DSCAM: variants seen among roughly 807,000 people sequenced by gnomAD.
DSCAM encodes DS cell adhesion molecule, also known as cell adhesion molecule DSCAM.
In DSCAM, 47 loss-of-function variants were observed where a neutral mutation model predicts 217.7. The observed-to-expected ratio is 0.22, with a 90% CI of 0.17 to 0.28. The LOEUF (loss-of-function observed/expected upper bound fraction) is 0.28. DSCAM is among the 10% of genes least tolerant of loss of function. The pLI, the probability that DSCAM is intolerant of heterozygous loss-of-function variation, is 1.00. For synonymous variants in DSCAM, 1,056 were observed against 1,015.3 expected, an observed-to-expected ratio of 1.04 and a Z score of -0.76; for missense variants, 2,080 against 2,618.3, an observed-to-expected ratio of 0.79 and a Z score of 4.49.
chr21:40,759,658 C>T (rs1447224993), intron 1 of DSCAM, among the ~76,000 whole-genome samples: 2 of 152,058 alleles, frequency 1.3e-5, no homozygotes, highest in South Asian at 2.1e-4. Context: ...GGGCTGGCCT[C>T]GGAGCACTTG....
At chr21:40,741,541 C>CT (rs2091124113) in intron 1 of DSCAM, among the ~76,000 whole-genome samples, 2 of 149,916 alleles carry the variant, frequency 1.3e-5, no homozygotes, top group Non-Finnish European at 3.0e-5. Flanking sequence ...ATATCTCAGC[C>CT]CCCAAACTCA....
chr21:40,636,621 A>G (rs1018958924), intron 3 of DSCAM, among the ~76,000 whole-genome samples: 3 of 152,038 alleles, frequency 2.0e-5, no homozygotes, highest in African/African-American at 7.2e-5. Flanking sequence ...GGCATCACTC[A>G]GGCTCAGAGG....
intron 3 of DSCAM, among the ~76,000 whole-genome samples, chr21:40,623,566 T>G (rs2089553379): frequency 6.6e-6 from 1 of 152,184 alleles, no homozygotes; most frequent in Non-Finnish European, 1.5e-5. Context: ...GTGAAGTCTA[T>G]CTGTAATGAG....
chr21:40,033,865 TGACCCCG>T (rs1404965093), intron 32 of DSCAM, among the ~76,000 whole-genome samples: 16 of 140,552 alleles, frequency 1.1e-4, no homozygotes, highest in Non-Finnish European at 6.2e-5. Context: ...AGTGGGTCCC[TGACCCCG>T]GACCCCCGAG....
chr21:40,488,636 C>T (rs756494908), intron 3 of DSCAM, among the ~76,000 whole-genome samples: 10 of 152,184 alleles, frequency 6.6e-5, no homozygotes, highest in Non-Finnish European at 1.3e-4. Context: ...GCCACTGTGA[C>T]AAGGGTTCCC....
At chr21:40,176,001 T>C (rs1372780721) in intron 15 of DSCAM, among the ~76,000 whole-genome samples, 1 of 151,322 alleles carries the variant, frequency 6.6e-6, no homozygotes, top group Non-Finnish European at 1.5e-5. Flanking sequence ...CCACATCAGG[T>C]GGTATATCAT....
chr21:40,377,546 G>A (rs1369988949), intron 3 of DSCAM, among the ~76,000 whole-genome samples: 1 of 152,080 alleles, frequency 6.6e-6, no homozygotes, highest in Non-Finnish European at 1.5e-5. Context: ...GGGTAGGGGA[G>A]ATTCTGTTTC....
chr21:40,127,465 A>G (rs958833454), intron 19 of DSCAM, among the ~76,000 whole-genome samples: 5 of 152,322 alleles, frequency 3.3e-5, no homozygotes, highest in Non-Finnish European at 7.3e-5. Flanking sequence ...GTTTTCATGA[A>G]TTCCTGGGCA....
At chr21:40,031,766 A>G (rs901692166) in intron 32 of DSCAM, among the ~76,000 whole-genome samples, 10 of 152,076 alleles carry the variant, frequency 6.6e-5, no homozygotes, top group African/African-American at 1.2e-4. Context: ...CCTCCTGTAC[A>G]CTCTGCTGGC....
chr21:40,755,775 T>A (rs760018289), intron 1 of DSCAM, among the ~76,000 whole-genome samples: 3 of 152,190 alleles, frequency 2.0e-5, no homozygotes, highest in African/African-American at 7.2e-5. Flanking sequence ...AAATGAGATA[T>A]TCATATAGCT....
At chr21:40,117,742 T>A (rs780513867) in intron 20 of DSCAM, among the ~76,000 whole-genome samples, 2 of 152,154 alleles carry the variant, frequency 1.3e-5, no homozygotes, top group Non-Finnish European at 2.9e-5. Context: ...TTTCGTGGCG[T>A]GATTATAACT....
intron 1 of DSCAM, among the ~76,000 whole-genome samples, chr21:40,820,419 A>G (rs1050085618): frequency 6.6e-6 from 1 of 152,182 alleles, no homozygotes; most frequent in Admixed American, 6.5e-5. Context: ...ATGAGAACAC[A>G]TGGACACAAG....
chr21:40,833,636 G>C (rs1232874406), intron 1 of DSCAM, among the ~76,000 whole-genome samples: 1 of 152,140 alleles, frequency 6.6e-6, no homozygotes, highest in East Asian at 1.9e-4. Flanking sequence ...TTCTTCATAA[G>C]AAAAGAAAGA....
intron 3 of DSCAM, among the ~76,000 whole-genome samples, chr21:40,486,520 G>A (rs907330691): frequency 6.6e-6 from 1 of 151,886 alleles, no homozygotes; most frequent in Non-Finnish European, 1.5e-5. Context: ...GGAGAGGAGG[G>A]GATGGCAGGG....
intron 3 of DSCAM, among the ~76,000 whole-genome samples, chr21:40,558,694 C>A (rs1458307583): frequency 6.6e-6 from 1 of 152,106 alleles, no homozygotes; most frequent in East Asian, 1.9e-4. Flanking sequence ...TTCTTTTTTA[C>A]ACTTATTTTC....
At chr21:40,391,093 C>T (rs529362732) in intron 3 of DSCAM, among the ~76,000 whole-genome samples, 3 of 152,202 alleles carry the variant, frequency 2.0e-5, no homozygotes, top group Admixed American at 6.5e-5. Context: ...TGATGCAGAC[C>T]GCATGAAATC....
chr21:40,835,523 G>A (rs2092049211), intron 1 of DSCAM, among the ~76,000 whole-genome samples: 1 of 152,082 alleles, frequency 6.6e-6, no homozygotes, highest in Admixed American at 6.6e-5. Flanking sequence ...CATTTATTCA[G>A]CCTACAATGG....
chr21:40,257,376 TTTG>T (rs1406905592), intron 11 of DSCAM, among the ~76,000 whole-genome samples: 2 of 151,998 alleles, frequency 1.3e-5, no homozygotes, highest in South Asian at 2.1e-4. Flanking sequence ...GTTGTATTTT[TTTG>T]TTTTTTTTTC....
intron 32 of DSCAM, among the ~76,000 whole-genome samples, chr21:40,039,072 A>C (rs1671590976): frequency 6.6e-6 from 1 of 151,764 alleles, no homozygotes; most frequent in East Asian, 2.0e-4. Flanking sequence ...ATGCTAGATG[A>C]CCAGTTAGTG....
Sources: allele counts gnomAD v4.1 joint callset (sites outside exome capture counted in the v4.1 genomes callset), GRCh38; gene constraint gnomAD v4.1.1; transcripts MANE v1.5; gene names NCBI Gene and HGNC (gene_info 2026-07-23, HGNC 2026-07-21).